Variants in MS4A18 observed in about 807,000 individuals in gnomAD.
The protein encoded by MS4A18 is membrane-spanning 4-domains subfamily A member 18.
MS4A18 carries 27 observed loss-of-function variants against 13.1 expected under a neutral mutation model. The observed-to-expected ratio is 2.06, with a 90% CI of 1.52 to 2.84. The LOEUF (loss-of-function observed/expected upper bound fraction) is 2.84. Ranked by LOEUF, MS4A18 falls within the 30% of genes most tolerant of loss-of-function variation. The pLI is 0.00. For missense variants in MS4A18, 307 were observed against 196.4 expected, an observed-to-expected ratio of 1.56 and a Z score of -3.37; for synonymous variants, 126 against 76.5, an observed-to-expected ratio of 1.65 and a Z score of -3.38.
chr11:60,727,352 A>G (rs968912680), upstream of MS4A18, among the ~76,000 whole-genome samples: 2 of 152,320 alleles, frequency 1.3e-5, no homozygotes, highest in Non-Finnish European at 2.9e-5. Flanking sequence ...ATAGATAAGA[A>G]ACTGACAGCG....
At chr11:60,737,384 T>C (rs1853357958) in intron 3 of MS4A18, among the ~76,000 whole-genome samples, 1 of 152,200 alleles carries the variant, frequency 6.6e-6, no homozygotes, top group African/African-American at 2.4e-5. Flanking sequence ...AACTCATGAG[T>C]ATTTACACGC....
exon 1 of MS4A18, chr11:60,729,472 G>A: frequency 1.4e-6 from 1 of 702,812 alleles, no homozygotes; most frequent in Non-Finnish European, 2.6e-6. Flanking sequence ...AATCCACTGT[G>A]ATACAGGAAG....
chr11:60,732,025 GTC>G (rs1380560986), intron 1 of MS4A18, among the ~76,000 whole-genome samples: 3 of 152,066 alleles, frequency 2.0e-5, no homozygotes, highest in African/African-American at 4.8e-5. Context: ...TGAAACCCAG[GTC>G]TGTCACCAAC....
upstream of MS4A18, among the ~76,000 whole-genome samples, chr11:60,724,969 G>A (rs961649027): frequency 6.6e-6 from 1 of 152,210 alleles, no homozygotes; most frequent in Non-Finnish European, 1.5e-5. Context: ...CATCCTTGGA[G>A]GTGCTGGGAG....
exon 1 of MS4A18, chr11:60,729,424 C>A (rs1215403003): frequency 1.4e-6 from 1 of 702,798 alleles, no homozygotes; most frequent in Non-Finnish European, 2.6e-6. Context: ...TCATCTGCAG[C>A]CTTCAGAGGT....
At chr11:60,741,613 G>A (rs149985974) in intron 5 of MS4A18, among the ~76,000 whole-genome samples, 98 of 152,250 alleles carry the variant, frequency 6.4e-4, no homozygotes, top group Non-Finnish European at 1.1e-3. Context: ...TCACATGGCC[G>A]AACCCAGATT....
intron 5 of MS4A18, among the ~76,000 whole-genome samples, chr11:60,741,413 G>C (rs1377256856): frequency 6.6e-6 from 1 of 152,114 alleles, no homozygotes; most frequent in Non-Finnish European, 1.5e-5. Flanking sequence ...GGGGATGGTT[G>C]GTCTCCAGGG....
chr11:60,738,747 CCTCA>C (rs1853377437), intron 3 of MS4A18, among the ~76,000 whole-genome samples, 151 bp from the exon 5 acceptor site: 1 of 152,022 alleles, frequency 6.6e-6, no homozygotes, highest in Non-Finnish European at 1.5e-5. Context: ...ATTTTTCTCA[CCTCA>C]CTATCGCTAA....
upstream of MS4A18, among the ~76,000 whole-genome samples, chr11:60,725,262 C>G (rs1218495075): frequency 2.6e-5 from 4 of 152,148 alleles, no homozygotes; most frequent in African/African-American, 4.8e-5. Flanking sequence ...GGCGCGATCT[C>G]GGCTCACTGC....
At position 60,738,942 on chromosome 11, in the gene MS4A18, T is replaced by G. The variant is rs1484620552; in HGVS notation, c.689T>G (p.Phe230Cys). The G allele has an allele frequency of 4.3e-6, 3 of 703,214 alleles. No homozygotes were observed. In the East Asian group the frequency reaches 8.0e-5, roughly 19 times the overall value. 43.6% of individuals were successfully genotyped at this position (703,214 alleles called of 1,614,324 possible). ...AGCTTCAACATCATCAGCGCACTCT[T>G]CGCCTTTGCCGGGATCTTCATTATC... Residue 230 changes from phenylalanine (F) to cysteine (C), a missense_variant, in exon 4 of 6, where the codon TTC (phenylalanine) becomes TGC (cysteine). Transcript: ENST00000529108.
chr11:60,725,350 C>G (rs183708242), upstream of MS4A18, among the ~76,000 whole-genome samples: 1 of 152,196 alleles, frequency 6.6e-6, no homozygotes, highest in Non-Finnish European at 1.5e-5. Context: ...CCCGCCACCA[C>G]GCCCGGCTAA....
intron 1 of MS4A18, among the ~76,000 whole-genome samples, chr11:60,731,944 T>C (rs763993197): frequency 9.9e-5 from 15 of 152,010 alleles, no homozygotes; most frequent in Non-Finnish European, 2.1e-4. Context: ...GGGAACAGGG[T>C]TCATTAATAT....
At chr11:60,729,321 C>T (rs1003742138) in exon 1 of MS4A18, 2 of 701,800 alleles carry the variant, frequency 2.8e-6, no homozygotes, top group Non-Finnish European at 2.6e-6. Context: ...ACACCATGAC[C>T]GAACAGGTGA....
chr11:60,742,004 G>T (rs1419635270), intron 5 of MS4A18, among the ~76,000 whole-genome samples: 1 of 152,168 alleles, frequency 6.6e-6, no homozygotes, highest in East Asian at 1.9e-4. Flanking sequence ...ATTCAATAAA[G>T]GAAAGAACAG....
At position 60,743,901 on chromosome 11, in the gene MS4A18, T is replaced by TA; in HGVS notation, c.1112dup (p.Asn371LysfsTer39). 1.4e-6 allele frequency: 1 copy of TA among 703,066 alleles called. No individual in the cohort carries two copies. Among genetic ancestry groups the TA allele is most frequent in the Non-Finnish European group, 2.6e-6 (1 of 384,996 alleles). The allele number at this position is 703,066 out of a possible 1,614,324, so 43.6% of individuals were successfully genotyped here. The stretch of plus-strand genomic sequence containing the variant: ...CTGTCAATGTGACAACTGGCCCCGT[T>TA]AACACTACCACTGCCCCTGCCAAAG... On this transcript the variant is annotated frameshift_variant, in exon 6 of 6. Coordinates refer to ENST00000529108, the Ensembl canonical transcript of MS4A18. LOFTEE classifies it low-confidence loss of function (END_TRUNC).
At chr11:60,726,096 G>A (rs1311467831), upstream of MS4A18, among the ~76,000 whole-genome samples, 1 of 152,184 alleles carries the variant, frequency 6.6e-6, no homozygotes, top group Non-Finnish European at 1.5e-5. Context: ...GCAAATAGCA[G>A]TCAGAAAAAA....
upstream of MS4A18, among the ~76,000 whole-genome samples, chr11:60,726,544 G>C (rs1008142478): frequency 6.6e-6 from 1 of 152,012 alleles, no homozygotes; most frequent in African/African-American, 2.4e-5. Context: ...AGTAGCTCTG[G>C]GGAGGGGACC....
At chr11:60,738,678 G>A (rs1460531847) in intron 3 of MS4A18, among the ~76,000 whole-genome samples, 7 of 151,132 alleles carry the variant, frequency 4.6e-5, no homozygotes, top group Non-Finnish European at 5.9e-5. Context: ...TGACCCATGA[G>A]ACAAACCTGG....
At chr11:60,742,771 A>G (rs1853429234) in intron 5 of MS4A18, among the ~76,000 whole-genome samples, 1 of 152,192 alleles carries the variant, frequency 6.6e-6, no homozygotes. Flanking sequence ...TCTAAATACC[A>G]CTTGCAAACT....
Sources: allele counts gnomAD v4.1 joint callset (sites outside exome capture counted in the v4.1 genomes callset), GRCh38; gene constraint gnomAD v4.1.1; transcripts MANE v1.5; gene names NCBI Gene and HGNC (gene_info 2026-07-23, HGNC 2026-07-21).